Variants in PACRGL observed in about 807,000 individuals in gnomAD.
The protein encoded by PACRGL is parkin coregulated like, also known as PACRG-like protein.
In PACRGL, 38 loss-of-function variants were observed where a neutral mutation model predicts 34.5. That is an observed-to-expected ratio of 1.10 (90% CI 0.85 to 1.44). The LOEUF is 1.44. PACRGL is among the 40% of genes most tolerant of loss of function. The probability of loss-of-function intolerance (pLI) is 0.00; values close to 1 mark genes in which losing one functional copy is unlikely to be tolerated. For missense variants in PACRGL, 305 were observed against 281.4 expected (o/e 1.08, Z -0.60); for synonymous variants, 128 against 100.1 (o/e 1.28, Z -1.66).
downstream of PACRGL, chr4:20,734,665 A>T (rs1187570644): frequency 6.3e-7 from 1 of 1,595,590 alleles, no homozygotes; most frequent in Non-Finnish European, 8.5e-7. Flanking sequence ...TATGTCATAC[A>T]GATTAAATGC....
At chr4:20,748,882 ATG>A (rs139805656) in intron 8 of PACRGL, among the ~76,000 whole-genome samples, 2 of 144,414 alleles carry the variant, frequency 1.4e-5, no homozygotes, top group African/African-American at 5.1e-5. Context: ...GTGTGTGTGT[ATG>A]TGTGTGTGTG....
At chr4:20,761,924 T>C in the PACRGL span, among the ~76,000 whole-genome samples, 22 of 152,286 alleles carry the variant, frequency 1.4e-4, no homozygotes, top group South Asian at 4.3e-3. Context: ...ACATACTGTA[T>C]GCCTATTATT....
intron 8 of PACRGL, among the ~76,000 whole-genome samples, chr4:20,741,203 G>C (rs569835178): frequency 5.3e-5 from 8 of 152,136 alleles, no homozygotes; most frequent in Non-Finnish European, 1.0e-4. Flanking sequence ...CTTGAACTCA[G>C]CTCTGCAGCA....
intron 1 of PACRGL, among the ~76,000 whole-genome samples, chr4:20,704,096 G>T (rs1733477395): frequency 6.6e-6 from 1 of 152,120 alleles, no homozygotes; most frequent in African/African-American, 2.4e-5. Flanking sequence ...GAAATACAGA[G>T]GCCAGAGAAG....
intron 6 of PACRGL, 177 bp from the exon 7 acceptor site, chr4:20,713,255 T>G: frequency 5.1e-6 from 3 of 584,366 alleles, no homozygotes; most frequent in Non-Finnish European, 5.9e-6. Context: ...TGCTTCTAGA[T>G]GTCCTGTGTT....
chr4:20,717,076 A>G (rs573747169), intron 7 of PACRGL, among the ~76,000 whole-genome samples: 2 of 152,092 alleles, frequency 1.3e-5, no homozygotes, highest in Non-Finnish European at 2.9e-5. Flanking sequence ...GCATTTCTTA[A>G]TGGCCAGTGA....
rs993567519 is a variant in PACRGL, at chr4:20,731,499, A to AT, written c.*4164dup. ...CTTCAGAGAAAATTTTCCACTGTTT[A>AT]TTTTTTGTGACTGAAGACCATTAGT... is the stretch of plus-strand genomic sequence containing the variant. On this transcript the variant is annotated 3_prime_UTR_variant, in exon 9 of 9. Transcript: ENST00000503585. 7.0e-5 allele frequency: 69 copies of AT among 984,678 alleles called. No individual in the cohort carries two copies. The highest frequency in any genetic ancestry group is 6.2e-5 in the Admixed American group (1 of 16,228). The allele number at this position is 984,678 out of a possible 1,614,324, so 61.0% of individuals were successfully genotyped here. A position where few individuals can be genotyped will look rare whatever the true frequency, so the allele number is the denominator to read the frequency against.
At chr4:20,736,540 G>T (rs187927468), downstream of PACRGL, among the ~76,000 whole-genome samples, 356 of 152,016 alleles carry the variant, frequency 2.3e-3, 2 homozygotes, top group African/African-American at 7.5e-3. Context: ...AGCTGCAAAT[G>T]GAATTAATTT....
chr4:20,731,532 G>A lies in PACRGL; in HGVS notation c.*4191G>A, dbSNP rs1748204818. 1.0e-6 allele frequency: 1 copy of A among 985,374 alleles called. No homozygotes were observed. The highest frequency in any genetic ancestry group is 1.7e-5 in the African/African-American group (1 of 57,334). 61.0% of individuals were successfully genotyped at this position (985,374 alleles called of 1,614,324 possible). A position where few individuals can be genotyped will look rare whatever the true frequency, so the allele number is the denominator to read the frequency against. Reference sequence around the variant, plus strand: ...TGACTGAAGACCATTAGTGAGTTCAGTCAAAGAGCCATTTCTTGTCCACAT... The same window carrying A: ...TGACTGAAGACCATTAGTGAGTTCAATCAAAGAGCCATTTCTTGTCCACAT... On this transcript the variant is annotated 3_prime_UTR_variant, in exon 9 of 9. Transcript: ENST00000503585.
At chr4:20,718,067 A>G (rs1398417491) in intron 7 of PACRGL, among the ~76,000 whole-genome samples, 3 of 151,900 alleles carry the variant, frequency 2.0e-5, no homozygotes, top group Admixed American at 2.0e-4. Flanking sequence ...TGTAAGTTGG[A>G]TTCCTAGGTA....
chr4:20,711,867 A>G lies in PACRGL; in HGVS notation c.367-921A>G, dbSNP rs140302741. On this transcript the variant is annotated intron_variant, in intron 5 of 8. Coordinates refer to ENST00000503585, the MANE Select transcript of PACRGL (RefSeq NM_001258345.3). The stretch of plus-strand genomic sequence containing the variant: ...ATTTCAGTATTACAAATGACATTTA[A>G]AATCTTAACATGCCTTTAAAATGCA... 2.3e-3 allele frequency among the ~76,000 whole-genome samples: 355 copies of G among 152,316 alleles called. 8 individuals carry two copies. The South Asian group carries it at 0.046, about 20-fold the overall frequency.
At position 20,713,433 on chromosome 4, in the gene PACRGL, T is replaced by A; in HGVS notation, c.503T>A (p.Val168Asp). The A allele has an allele frequency of 6.2e-7, 1 of 1,612,800 alleles. No homozygotes were observed. The highest frequency in any genetic ancestry group is 8.5e-7 in the Non-Finnish European group (1 of 1,179,116). The change falls in exon 7 of 9, where the codon GTC (valine) becomes GAC (aspartate). Residue 168 changes from valine (V) to aspartate (D), a missense_variant and splice_region_variant. Val to Asp is a radical substitution (Grantham distance 152). Transcript: ENST00000503585. Reference protein sequence around the residue: ...RLIPVLKAALVHSDDEVFERG... With the variant: ...RLIPVLKAALDHSDDEVFERG... ...TCCCCCAACTAACCAACCTTACAGG[T>A]CCATTCGGATGATGAAGTGTTTGAA... is the stretch of plus-strand genomic sequence containing the variant.
At position 20,715,079 on chromosome 4, in the gene PACRGL, G is replaced by A. The variant is rs1448350947; in HGVS notation, c.609+1540G>A. Among the ~76,000 whole-genome samples, 5 of 152,284 alleles carry A rather than the reference G, an allele frequency of 3.3e-5. No individual in the cohort carries two copies. The East Asian group carries it at 9.6e-4, about 29-fold the overall frequency. The stretch of plus-strand genomic sequence containing the variant: ...GAAAATGTGGTACATACACACCATG[G>A]AATACTATGTAGCCATAAAAAATGA... On this transcript the variant is annotated intron_variant, in intron 7 of 8. Transcript: ENST00000503585.
chr4:20,709,660 A>G, intron 4 of PACRGL, 23 bp from the exon 5 acceptor site: 2 of 1,454,942 alleles, frequency 1.4e-6, no homozygotes, highest in Non-Finnish European at 9.5e-7. Flanking sequence ...TTCTTGTTGC[A>G]TTCACTAACT....
chr4:20,765,173 A>G, the PACRGL span, among the ~76,000 whole-genome samples: 3 of 152,262 alleles, frequency 2.0e-5, no homozygotes, highest in African/African-American at 7.2e-5. Context: ...TTAAAATTCC[A>G]TTTCTTTTTT....
chr4:20,711,063 G>A (rs935178125), intron 5 of PACRGL, among the ~76,000 whole-genome samples: 36 of 151,906 alleles, frequency 2.4e-4, no homozygotes, highest in African/African-American at 7.7e-4. Flanking sequence ...GCCAGGCACA[G>A]TAGAGTGAGA....
In PACRGL at chr4:20,731,967, G is replaced by C. The variant is rs750638798; in HGVS notation, c.*4626G>C. ...TGCTAATACTCAGTTTAGCTGTTAT[G>C]ATAGCTGAATTGATAGTTATTACAC... On this transcript the variant is annotated 3_prime_UTR_variant, in exon 9 of 9. Coordinates refer to ENST00000503585, the MANE Select transcript of PACRGL (RefSeq NM_001258345.3). 1 of 1,610,610 alleles carries C rather than the reference G, an allele frequency of 6.2e-7. No homozygotes were observed. The highest frequency in any genetic ancestry group is 1.7e-5 in the Admixed American group (1 of 59,718).
chr4:20,728,716 A>G lies in PACRGL; in HGVS notation c.*1375A>G, dbSNP rs937453824. The G allele has an allele frequency of 3.3e-5, 5 of 152,624 alleles. No individual in the cohort carries two copies. Among genetic ancestry groups the G allele is most frequent in the African/African-American group, 1.2e-4 (5 of 41,444 alleles). The allele number at this position is 152,624 out of a possible 1,614,324, so 9.5% of individuals were successfully genotyped here. On this transcript the variant is annotated 3_prime_UTR_variant, in exon 9 of 9. Transcript: ENST00000503585. ...GCAAATTTCAGTGTACATGTATTGT[A>G]CTACTCTTAATTTCTACACTGGTGA... is the stretch of plus-strand genomic sequence containing the variant.
chr4:20,755,847 G>A (rs1036563368), downstream of PACRGL, among the ~76,000 whole-genome samples: 4 of 152,178 alleles, frequency 2.6e-5, no homozygotes, highest in African/African-American at 9.6e-5. Flanking sequence ...CATGGCTGGT[G>A]TGCTGGTGGG....
Sources: allele counts gnomAD v4.1 joint callset (sites outside exome capture counted in the v4.1 genomes callset), GRCh38; gene constraint gnomAD v4.1.1; transcripts MANE v1.5; gene names NCBI Gene and HGNC (gene_info 2026-07-23, HGNC 2026-07-21).